MRPL58: variants seen among roughly 807,000 people sequenced by gnomAD.
MRPL58 encodes the protein mitochondrial ribosomal protein L58.
In MRPL58, 17 loss-of-function variants were observed where a neutral mutation model predicts 26.0. That is an observed-to-expected ratio of 0.65 (90% CI 0.45 to 0.98). The LOEUF is 0.98. Among genes scored for constraint, MRPL58 ranks in the 50% least tolerant of loss-of-function variants. MRPL58 has a pLI of 0.00. For missense variants in MRPL58, 250 were observed against 269.0 expected, an observed-to-expected ratio of 0.93 and a Z score of 0.49; for synonymous variants, 100 against 99.7, an observed-to-expected ratio of 1.00 and a Z score of -0.02.
intron 1 of MRPL58, among the ~76,000 whole-genome samples, chr17:75,014,354 T>G (rs1341557434): frequency 7.1e-6 from 1 of 140,410 alleles, no homozygotes; most frequent in Non-Finnish European, 1.6e-5. Flanking sequence ...ACCGGCTAAT[T>G]TTTTTTTTTT....
At chr17:75,013,894 C>G (rs2039952226) in intron 1 of MRPL58, among the ~76,000 whole-genome samples, 1 of 152,180 alleles carries the variant, frequency 6.6e-6, no homozygotes, top group Admixed American at 6.5e-5. Context: ...AGCCTTTCCT[C>G]TGAACGCAAG....
Position 75,020,531 on chromosome 17 carries a change from CTG to C in MRPL58, c.411_412del (p.Ser139GlnfsTer21), listed in dbSNP as rs2040008503. ...AGGTTAGGAGAGTTGATCCTCACCT[CTG>C]AGAGCAGCCGCTATCAGTTCCGGAA... On this transcript the variant is annotated frameshift_variant, in exon 5 of 6. Coordinates refer to ENST00000301585, the MANE Select transcript of MRPL58 (RefSeq NM_001545.3). LOFTEE classifies it high-confidence loss of function. The C allele has an allele frequency of 6.2e-7, 1 of 1,614,158 alleles. No homozygotes were observed. Among genetic ancestry groups the C allele is most frequent in the Non-Finnish European group, 8.5e-7 (1 of 1,180,006 alleles).
At chr17:75,020,281 C>A in intron 3 of MRPL58, 32 bp from the exon 4 acceptor site, 1 of 1,567,708 alleles carries the variant, frequency 6.4e-7, no homozygotes, top group South Asian at 1.1e-5. Context: ...AAGTCTCAGG[C>A]ACCCATGCTC....
At position 75,020,185 on chromosome 17, in the gene MRPL58, C is replaced by T; in HGVS notation, c.284-128C>T. The T allele has an allele frequency of 1.2e-5, 9 of 731,876 alleles. No individual in the cohort carries two copies. The South Asian group carries it at 1.6e-4, about 13-fold the overall frequency. The allele number at this position is 731,876 out of a possible 1,614,324, so 45.3% of individuals were successfully genotyped here. A position where few individuals can be genotyped will look rare whatever the true frequency, so the allele number is the denominator to read the frequency against. On this transcript the variant is annotated intron_variant, in intron 3 of 5. Coordinates refer to ENST00000301585, the MANE Select transcript of MRPL58 (RefSeq NM_001545.3). ...CGGGCTTGTTCATAGCCAACTTGGA[C>T]ATAGGCTACAATGTACATGGTTAGG...
intron 3 of MRPL58, 68 bp from the exon 4 acceptor site, chr17:75,020,245 G>C (rs2040005286): frequency 1.6e-6 from 2 of 1,219,588 alleles, no homozygotes; most frequent in Non-Finnish European, 2.4e-6. Context: ...ATGGTCACTG[G>C]TCACCCAGGG....
Position 75,012,870 on chromosome 17 carries a change from C to T in MRPL58, c.184C>T (p.Pro62Ser). 6.2e-7 allele frequency: 1 copy of T among 1,606,066 alleles called. No individual in the cohort carries two copies. The highest frequency in any genetic ancestry group is 1.1e-5 in the South Asian group (1 of 90,430). Reference protein sequence around the residue: ...SQGSDTAWRVPNGAKQADSDI... With the variant: ...SQGSDTAWRVSNGAKQADSDI... ...GGGCTCGGACACCGCCTGGAGGGTCCCGGTGAGCCGGGAAGGACTGGACGG... is the reference window on the plus strand; with the variant it reads ...GGGCTCGGACACCGCCTGGAGGGTCTCGGTGAGCCGGGAAGGACTGGACGG... The change falls in exon 1 of 6, where the codon CCG becomes TCG. Residue 62 changes from proline to serine, a missense_variant and splice_region_variant. Pro to Ser is a moderately conservative substitution (Grantham distance 74). Coordinates refer to ENST00000301585, the MANE Select transcript of MRPL58 (RefSeq NM_001545.3).
At chr17:75,020,746 C>G in intron 5 of MRPL58, 89 bp downstream of exon 5, 1 of 1,435,598 alleles carries the variant, frequency 7.0e-7, no homozygotes, top group African/African-American at 1.4e-5. Context: ...GAGTCCAAGG[C>G]CGGCCTTGGG....
At chr17:75,014,152 A>G (rs2039954771) in intron 1 of MRPL58, among the ~76,000 whole-genome samples, 1 of 151,046 alleles carries the variant, frequency 6.6e-6, no homozygotes, top group African/African-American at 2.4e-5. Context: ...GAGAAGTGAG[A>G]ATAAAAGAGG....
At chr17:75,013,933 A>G (rs1430435296) in intron 1 of MRPL58, among the ~76,000 whole-genome samples, 1 of 152,182 alleles carries the variant, frequency 6.6e-6, no homozygotes, top group Non-Finnish European at 1.5e-5. Flanking sequence ...TTGAAGCAGA[A>G]TGGAATTATC....
At chr17:75,017,246 G>A (rs1020319316) in intron 2 of MRPL58, 132 bp downstream of exon 2, 20 of 699,638 alleles carry the variant, frequency 2.9e-5, no homozygotes, top group Non-Finnish European at 4.4e-5. Context: ...GGCCGAGTTT[G>A]TGCCATTGCA....
chr17:75,016,996 C>T (rs1249884449), intron 1 of MRPL58, 82 bp from the exon 2 acceptor site: 11 of 992,844 alleles, frequency 1.1e-5, no homozygotes, highest in Admixed American at 3.4e-5. Context: ...TGTGGCTTTA[C>T]ATCATTTCTT....
chr17:75,012,879 C>T lies in MRPL58; in HGVS notation c.186+7C>T. On this transcript the variant is annotated splice_region_variant and intron_variant, in intron 1 of 5. Coordinates refer to ENST00000301585, the MANE Select transcript of MRPL58 (RefSeq NM_001545.3). ...CACCGCCTGGAGGGTCCCGGTGAGC[C>T]GGGAAGGACTGGACGGAAGGGGCGT... 6.2e-7 allele frequency: 1 copy of T among 1,602,966 alleles called. No homozygotes were observed.
At chr17:75,017,844 A>T (rs2039985146) in intron 2 of MRPL58, among the ~76,000 whole-genome samples, 1 of 152,126 alleles carries the variant, frequency 6.6e-6, no homozygotes, top group Non-Finnish European at 1.5e-5. Flanking sequence ...GAATCACTTG[A>T]GCCTGGGAAG....
In MRPL58 at chr17:75,019,737, TG is replaced by T; in HGVS notation, c.267del (p.Gln90ArgfsTer3). 6.2e-7 allele frequency: 1 copy of T among 1,608,820 alleles called. No individual in the cohort carries two copies. Among genetic ancestry groups the T allele is most frequent in the Non-Finnish European group, 8.5e-7 (1 of 1,176,114 alleles). ...TATCTTATTGTCGGAGTAGTGGTCC[TG>T]GGGGGCAGAATGTGAACAAAGGTAC... The part of the protein sequence containing the change: ...TISYCRSSGP[G>X]GQNVNKVNSK... On this transcript the variant is annotated frameshift_variant, in exon 3 of 6. Transcript: ENST00000301585. LOFTEE classifies it high-confidence loss of function.
intron 1 of MRPL58, among the ~76,000 whole-genome samples, chr17:75,013,858 C>A (rs1224078675): frequency 6.6e-6 from 1 of 152,184 alleles, no homozygotes; most frequent in Non-Finnish European, 1.5e-5. Context: ...TGGGGAAAGG[C>A]CTGTTACTAG....
At chr17:75,018,016 G>T (rs1218547900) in intron 2 of MRPL58, among the ~76,000 whole-genome samples, 1 of 152,104 alleles carries the variant, frequency 6.6e-6, no homozygotes, top group African/African-American at 2.4e-5. Context: ...ACTATCTCGG[G>T]TGTGCAGAAG....
At chr17:75,019,560 G>A (rs2039999569) in intron 2 of MRPL58, 140 bp from the exon 3 acceptor site, 1 of 743,928 alleles carries the variant, frequency 1.3e-6, no homozygotes, top group South Asian at 1.6e-5. Flanking sequence ...TGGTGCCACA[G>A]TTCCTTGCCA....
intron 1 of MRPL58, 100 bp from the exon 2 acceptor site, chr17:75,016,978 G>A: frequency 1.1e-6 from 1 of 876,160 alleles, no homozygotes. Context: ...AATGTACAAT[G>A]TTTGTGTTGT....
chr17:75,013,254 T>A (rs896397311), intron 1 of MRPL58, among the ~76,000 whole-genome samples: 3 of 152,206 alleles, frequency 2.0e-5, no homozygotes, highest in African/African-American at 7.2e-5. Context: ...CCATTGTCTC[T>A]AGTAACCCCA....
Sources: gnomAD v4.1 joint callset for allele counts (sites outside exome capture counted in the v4.1 genomes callset) on GRCh38, gnomAD v4.1.1 for gene constraint, MANE v1.5 for transcripts, NCBI Gene and HGNC (gene_info 2026-07-23, HGNC 2026-07-21) for gene names.